The following DPP10 variants were observed in gnomAD, a reference collection of about 807,000 sequenced individuals.
DPP10 encodes dipeptidyl peptidase like 10, also known as inactive dipeptidyl peptidase 10.
In DPP10, 33 loss-of-function variants were observed where a neutral mutation model predicts 120.9. The observed-to-expected ratio is 0.27, with a 90% CI of 0.21 to 0.37. The LOEUF is 0.37. Among genes scored for constraint, DPP10 ranks in the 10% least tolerant of loss-of-function variants. The pLI, the probability that DPP10 is intolerant of heterozygous loss-of-function variation, is 1.00. For missense variants in DPP10, 816 were observed against 942.8 expected (o/e 0.87, Z 1.76); for synonymous variants, 337 against 326.1 (o/e 1.03, Z -0.36).
At chr2:114,671,968 C>A (rs1471641372) in intron 1 of DPP10, among the ~76,000 whole-genome samples, 1 of 152,106 alleles carries the variant, frequency 6.6e-6, no homozygotes, top group South Asian at 2.1e-4. Context: ...TTTGCTAAGA[C>A]TTTGTTTAGA....
chr2:114,772,309 C>T (rs1270612385), intron 1 of DPP10, among the ~76,000 whole-genome samples: 1 of 151,912 alleles, frequency 6.6e-6, no homozygotes, highest in East Asian at 1.9e-4. Flanking sequence ...AGGTATGCAC[C>T]ACCATGCCTC....
At position 114,815,994 on chromosome 2, in the gene DPP10, T is replaced by C. The variant is rs1202427172; in HGVS notation, c.60+373156T>C. ...ATCTATGAAGACACATCTCCTCAAA[T>C]GTGTTTGGCATCCCAACAGTAAATA... On this transcript the variant is annotated intron_variant, in intron 1 of 25. Transcript: ENST00000410059. 2.6e-5 allele frequency among the ~76,000 whole-genome samples: 4 copies of C among 152,042 alleles called. No homozygotes were observed. In the East Asian group the frequency reaches 7.7e-4, roughly 29 times the overall value.
intron 1 of DPP10, among the ~76,000 whole-genome samples, chr2:114,595,019 TA>T (rs1043554038): frequency 1.3e-5 from 2 of 152,078 alleles, no homozygotes; most frequent in Non-Finnish European, 1.5e-5. Context: ...TGCTTTCTTG[TA>T]AAAAAACATG....
chr2:115,756,843 T>G (rs1461805473), intron 11 of DPP10, among the ~76,000 whole-genome samples: 3 of 152,014 alleles, frequency 2.0e-5, no homozygotes, highest in Non-Finnish European at 4.4e-5. Flanking sequence ...AGGGACTTCT[T>G]GCTGCATCAT....
chr2:114,528,186 A>G (rs1685662892), intron 1 of DPP10, among the ~76,000 whole-genome samples: 1 of 152,204 alleles, frequency 6.6e-6, no homozygotes. Context: ...GGGCACTGCA[A>G]GAAGCTGTGG....
intron 4 of DPP10, among the ~76,000 whole-genome samples, chr2:115,509,710 A>G (rs1360258864): frequency 6.6e-6 from 1 of 152,046 alleles, no homozygotes; most frequent in Non-Finnish European, 1.5e-5. Flanking sequence ...ACAAAACAAA[A>G]CAAAGGTAGT....
At position 115,615,247 on chromosome 2, in the gene DPP10, T is replaced by C. The variant is rs1037113884; in HGVS notation, c.442-74440T>C. 2.6e-5 allele frequency among the ~76,000 whole-genome samples: 4 copies of C among 152,274 alleles called. No individual in the cohort carries two copies. In the South Asian group the frequency reaches 8.3e-4, roughly 32 times the overall value. The stretch of plus-strand genomic sequence containing the variant: ...TTACAGCTGGATAAGTGGGTAACCT[T>C]TGTGTCCATAGATTCTTAGGTAGAT... On this transcript the variant is annotated intron_variant, in intron 5 of 25. Coordinates refer to ENST00000410059, the MANE Select transcript of DPP10 (RefSeq NM_020868.6).
chr2:114,449,623 C>G (rs1170251334), intron 1 of DPP10, among the ~76,000 whole-genome samples: 1 of 152,060 alleles, frequency 6.6e-6, no homozygotes, highest in Admixed American at 6.6e-5. Context: ...ACCACATGAA[C>G]CATGTGGTCT....
intron 1 of DPP10, among the ~76,000 whole-genome samples, chr2:114,570,353 T>A (rs1689533476): frequency 6.6e-6 from 1 of 152,084 alleles, no homozygotes; most frequent in Non-Finnish European, 1.5e-5. Context: ...AAAGGGCAGT[T>A]CTCCAACTTC....
At chr2:115,603,575 T>TG (rs1457406199) in intron 5 of DPP10, among the ~76,000 whole-genome samples, 42 of 146,892 alleles carry the variant, frequency 2.9e-4, no homozygotes, top group African/African-American at 1.0e-3. Flanking sequence ...TTTTTGTTTT[T>TG]TTTTTTTTTG....
chr2:115,037,244 T>TA (rs1371252283), intron 1 of DPP10, among the ~76,000 whole-genome samples: 2 of 152,122 alleles, frequency 1.3e-5, no homozygotes. Flanking sequence ...TAATACGTAA[T>TA]AAAAAACTAA....
rs2058268077 is a variant in DPP10 at position 115,241,298 on chromosome 2, T to C, written c.61-67941T>C. On this transcript the variant is annotated intron_variant, in intron 1 of 25. Transcript: ENST00000410059. Reference sequence around the variant, plus strand: ...TAAATAAATAAATAAATAAGTAGTGTTTCTAATATCTCTCAGGCTGTCTTT... The same window carrying C: ...TAAATAAATAAATAAATAAGTAGTGCTTCTAATATCTCTCAGGCTGTCTTT... Among the ~76,000 whole-genome samples, 4 of 147,306 alleles carry C rather than the reference T, an allele frequency of 2.7e-5. No individual in the cohort carries two copies. In the South Asian group the frequency reaches 6.6e-4, roughly 24 times the overall value.
intron 1 of DPP10, among the ~76,000 whole-genome samples, chr2:114,897,597 A>G (rs1311212328): frequency 2.6e-5 from 4 of 151,936 alleles, no homozygotes; most frequent in Non-Finnish European, 5.9e-5. Flanking sequence ...CAACCTACTC[A>G]TCTGACAAAG....
chr2:114,563,899 A>G (rs1688969052), intron 1 of DPP10, among the ~76,000 whole-genome samples: 1 of 152,162 alleles, frequency 6.6e-6, no homozygotes, highest in Non-Finnish European at 1.5e-5. Flanking sequence ...TCCTCTGCTC[A>G]TCTGCCTCTT....
intron 1 of DPP10, among the ~76,000 whole-genome samples, chr2:114,765,181 T>A (rs186522181): frequency 2.0e-5 from 3 of 152,318 alleles, no homozygotes; most frequent in Admixed American, 2.0e-4. Flanking sequence ...TATCAATTTT[T>A]AAAAATTGTA....
chr2:114,881,809 G>A (rs954900445), intron 1 of DPP10, among the ~76,000 whole-genome samples: 5 of 152,074 alleles, frequency 3.3e-5, no homozygotes, highest in Non-Finnish European at 7.4e-5. Flanking sequence ...GTCACAGTTG[G>A]TACTGGAAAT....
intron 3 of DPP10, among the ~76,000 whole-genome samples, chr2:115,477,069 G>A (rs547323758): frequency 6.6e-6 from 1 of 152,130 alleles, no homozygotes; most frequent in African/African-American, 2.4e-5. Flanking sequence ...ACTCGCAATG[G>A]TGAAATTGCT....
At chr2:115,418,605 A>G (rs1325823048) in intron 3 of DPP10, among the ~76,000 whole-genome samples, 3 of 151,698 alleles carry the variant, frequency 2.0e-5, no homozygotes, top group Non-Finnish European at 2.9e-5. Flanking sequence ...ACCTCATCTC[A>G]TATTTATTTT....
chr2:115,581,015 A>G (rs1284208026), intron 5 of DPP10, among the ~76,000 whole-genome samples: 1 of 152,206 alleles, frequency 6.6e-6, no homozygotes, highest in East Asian at 1.9e-4. Context: ...AAGTTTCGGG[A>G]AAGTGTCAAA....
Sources: allele counts gnomAD v4.1 joint callset (sites outside exome capture counted in the v4.1 genomes callset), GRCh38; gene constraint gnomAD v4.1.1; transcripts MANE v1.5; gene names NCBI Gene and HGNC (gene_info 2026-07-23, HGNC 2026-07-21).